Variants in ARL3 observed in about 807,000 individuals in gnomAD.
ARL3 encodes ARF like GTPase 3.
ARL3 carries 9 observed loss-of-function variants against 26.0 expected under a neutral mutation model. That is an observed-to-expected ratio of 0.35 (90% CI 0.21 to 0.60). ARL3 has a LOEUF of 0.60. Among genes scored for constraint, ARL3 ranks in the 20% least tolerant of loss-of-function variants. ARL3 has a pLI of 0.78. For synonymous variants in ARL3, 71 were observed against 78.4 expected (o/e 0.91, Z 0.50); for missense variants, 158 against 215.7 (o/e 0.73, Z 1.67).
chr10:102,695,524 A>T (rs920387883), intron 3 of ARL3, among the ~76,000 whole-genome samples: 124 of 150,708 alleles, frequency 8.2e-4, no homozygotes, highest in Admixed American at 9.3e-4. Flanking sequence ...TTGATTTAAA[A>T]TTTTTTTTTT....
At chr10:102,683,424 C>G (rs948980936) in intron 5 of ARL3, among the ~76,000 whole-genome samples, 1 of 152,150 alleles carries the variant, frequency 6.6e-6, no homozygotes, top group African/African-American at 2.4e-5. Context: ...CTTAACTACC[C>G]AATTCTATAC....
At chr10:102,688,770 T>G (rs913058519) in intron 4 of ARL3, among the ~76,000 whole-genome samples, 9 of 152,204 alleles carry the variant, frequency 5.9e-5, no homozygotes, top group Non-Finnish European at 1.0e-4. Flanking sequence ...CCCAAAGGGC[T>G]GGGATTACAG....
intron 4 of ARL3, among the ~76,000 whole-genome samples, chr10:102,688,473 C>G (rs1297130115): frequency 2.0e-5 from 3 of 150,946 alleles, no homozygotes; most frequent in Non-Finnish European, 2.9e-5. Flanking sequence ...AGGCCAAGGA[C>G]TCTGCAATGA....
At chr10:102,692,741 C>T (rs1373820435) in intron 3 of ARL3, among the ~76,000 whole-genome samples, 1 of 151,964 alleles carries the variant, frequency 6.6e-6, no homozygotes, top group East Asian at 1.9e-4. Flanking sequence ...CAGAGTCTCG[C>T]TCTGTCACCC....
intron 4 of ARL3, 46 bp from the exon 5 acceptor site, chr10:102,686,047 T>G: frequency 7.1e-7 from 1 of 1,415,428 alleles, no homozygotes; most frequent in South Asian, 1.3e-5. Flanking sequence ...AATCTATACA[T>G]CTATGATATT....
chr10:102,681,212 A>C (rs1232866776), intron 5 of ARL3, among the ~76,000 whole-genome samples: 1 of 151,668 alleles, frequency 6.6e-6, no homozygotes, highest in Non-Finnish European at 1.5e-5. Flanking sequence ...ACATGGTGAA[A>C]CCTCGTTGCT....
In ARL3 at chr10:102,675,922, T is replaced by C. The variant is rs2064128129; in HGVS notation, c.*972A>G. The C allele has an allele frequency of 6.6e-6, 1 of 152,642 alleles. No individual in the cohort carries two copies. The highest frequency in any genetic ancestry group is 1.5e-5 in the Non-Finnish European group (1 of 68,032). The allele number at this position is 152,642 out of a possible 1,614,324, so 9.5% of individuals were successfully genotyped here. A position where few individuals can be genotyped will look rare whatever the true frequency, so the allele number is the denominator to read the frequency against. ...AGCTGCATTTATTTCTAAAATCTGA[T>C]AGCAGCGGCCTATTGTGATCGTTTA... On this transcript the variant is annotated 3_prime_UTR_variant, in exon 6 of 6. Transcript: ENST00000260746.
chr10:102,704,137 C>T (rs11191374), intron 2 of ARL3, among the ~76,000 whole-genome samples: 126,983 of 127,196 alleles, frequency 1, 63,385 homozygotes, highest in Middle Eastern at 1. Flanking sequence ...GGAAACAGAA[C>T]GAGACTCTGT....
Position 102,707,881 on chromosome 10 carries a change from G to A in ARL3, c.4-2392C>T, listed in dbSNP as rs531697898. Among the ~76,000 whole-genome samples, 5 of 152,282 alleles carry A rather than the reference G, an allele frequency of 3.3e-5. No homozygotes were observed. The South Asian group carries it at 8.3e-4, about 25-fold the overall frequency. On this transcript the variant is annotated intron_variant, in intron 1 of 5. Transcript: ENST00000260746. ...TTGAATAGATTGGAAACAAACAGAA[G>A]TCTGGCTTTTTAAAAGGCCAGACTT...
chr10:102,702,600 T>C (rs541231678), intron 2 of ARL3, among the ~76,000 whole-genome samples: 3 of 152,294 alleles, frequency 2.0e-5, no homozygotes, highest in African/African-American at 7.2e-5. Context: ...GTCTTCACGT[T>C]AGTGTTCTTG....
intron 1 of ARL3, among the ~76,000 whole-genome samples, chr10:102,714,056 C>A (rs2248684): frequency 1 from 151,998 of 152,270 alleles, 75,863 homozygotes; most frequent in East Asian, 1. Context: ...GCCTCGGACC[C>A]GCTGCAAGCC....
chr10:102,710,980 A>G (rs57147804), intron 1 of ARL3, among the ~76,000 whole-genome samples: 4,600 of 152,276 alleles, frequency 0.03, 254 homozygotes, highest in African/African-American at 0.1. Context: ...TATGGAAAAT[A>G]TATGTGGTTG....
intron 3 of ARL3, among the ~76,000 whole-genome samples, chr10:102,697,180 ATT>A (rs544638326): frequency 6.9e-6 from 1 of 145,324 alleles, no homozygotes; most frequent in Non-Finnish European, 1.5e-5. Flanking sequence ...CTTTATTATA[ATT>A]TTTTTTTTTT....
chr10:102,704,736 T>C (rs998518228), intron 2 of ARL3, among the ~76,000 whole-genome samples: 2 of 152,186 alleles, frequency 1.3e-5, no homozygotes, highest in Non-Finnish European at 2.9e-5. Flanking sequence ...CACACACATG[T>C]GTATATATGT....
At chr10:102,691,369 G>A (rs900940237) in intron 3 of ARL3, among the ~76,000 whole-genome samples, 3 of 147,164 alleles carry the variant, frequency 2.0e-5, no homozygotes, top group South Asian at 2.1e-4. Context: ...GAGAATATGC[G>A]GTGTTTGGTT....
intron 1 of ARL3, among the ~76,000 whole-genome samples, chr10:102,706,423 C>T (rs962427848): frequency 6.6e-6 from 1 of 151,836 alleles, no homozygotes; most frequent in African/African-American, 2.4e-5. Flanking sequence ...TGCACTCCAG[C>T]CTGGGTGACA....
At chr10:102,677,080 G>A (rs1453982583) in intron 5 of ARL3, 139 bp from the exon 6 acceptor site, 1 of 875,822 alleles carries the variant, frequency 1.1e-6, no homozygotes, top group South Asian at 1.6e-5. Flanking sequence ...TTGGCTCAGG[G>A]GCCCACCTGG....
At chr10:102,698,883 A>G (rs1224238482) in intron 3 of ARL3, among the ~76,000 whole-genome samples, 1 of 152,200 alleles carries the variant, frequency 6.6e-6, no homozygotes, top group Non-Finnish European at 1.5e-5. Flanking sequence ...GCCCTCTAGA[A>G]CTATTCAATC....
intron 5 of ARL3, among the ~76,000 whole-genome samples, chr10:102,679,035 CAG>C (rs1415384913): frequency 6.6e-6 from 1 of 152,262 alleles, no homozygotes; most frequent in African/African-American, 2.4e-5. Flanking sequence ...GGAGCGTAAA[CAG>C]GGGACCGAGC....
Sources: allele counts gnomAD v4.1 joint callset (sites outside exome capture counted in the v4.1 genomes callset), GRCh38; gene constraint gnomAD v4.1.1; transcripts MANE v1.5; gene names NCBI Gene and HGNC (gene_info 2026-07-23, HGNC 2026-07-21).